The following SLCO2B1 variants were observed in gnomAD, a reference collection of about 807,000 sequenced individuals.
The protein encoded by SLCO2B1 is solute carrier organic anion transporter family member 2B1.
Under a neutral mutation model 67.3 loss-of-function variants are expected in SLCO2B1, and 41 were observed. The ratio of observed to expected loss-of-function variants is 0.61; its 90% confidence interval spans 0.47 to 0.79. SLCO2B1 has a LOEUF of 0.79. SLCO2B1 is among the 30% of genes least tolerant of loss of function. SLCO2B1 has a pLI of 0.00. For synonymous variants in SLCO2B1, 379 were observed against 381.4 expected (o/e 0.99, Z 0.07); for missense variants, 837 against 920.1 (o/e 0.91, Z 1.17).
intron 9 of SLCO2B1, among the ~76,000 whole-genome samples, chr11:75,195,077 C>G (rs1474006200): frequency 6.6e-6 from 1 of 152,196 alleles, no homozygotes; most frequent in Non-Finnish European, 1.5e-5. Flanking sequence ...TGTAATGGGT[C>G]CTGTTATTAG....
chr11:75,175,546 G>T (rs56891203), intron 7 of SLCO2B1, among the ~76,000 whole-genome samples: 1 of 152,092 alleles, frequency 6.6e-6, no homozygotes, highest in East Asian at 1.9e-4. Flanking sequence ...TGTTTTTAAA[G>T]GTATCCGGGA....
intron 7 of SLCO2B1, among the ~76,000 whole-genome samples, chr11:75,182,558 C>T (rs1030239225): frequency 6.6e-6 from 1 of 152,166 alleles, no homozygotes; most frequent in Non-Finnish European, 1.5e-5. Context: ...GCCTGCCCAA[C>T]ATGGTGAAAC....
rs1945058177 is a variant in SLCO2B1 at position 75,193,548 on chromosome 11, A to G, written c.1406A>G (p.Gln469Arg). ...PLFFIGCSSH[Q>R]IAGITHQTSA... ...TTCTTTATCGGCTGCTCCAGCCACC[A>G]GATTGCGGGCATCACACACCAGACC... The change falls in exon 9 of 14, where the codon CAG becomes CGG. Residue 469 changes from glutamine to arginine, a missense_variant. Coordinates refer to ENST00000289575, the MANE Select transcript of SLCO2B1 (RefSeq NM_007256.5). This position sits in a 1 kb window ranked among gnomAD's most constrained non-coding sequence, Gnocchi z 4.2. 4.5e-6 allele frequency: 7 copies of G among 1,565,930 alleles called. No homozygotes were observed. In the Admixed American group the frequency reaches 5.3e-5, roughly 12 times the overall value.
intron 8 of SLCO2B1, 51 bp downstream of exon 8, chr11:75,188,289 G>A (rs1282001967): frequency 1.7e-6 from 2 of 1,199,398 alleles, no homozygotes; most frequent in Non-Finnish European, 2.5e-6. Flanking sequence ...AGGGGTCTTC[G>A]AGATTGTCAG....
chr11:75,173,969 AT>A (rs1949995350), intron 7 of SLCO2B1, among the ~76,000 whole-genome samples: 1 of 151,870 alleles, frequency 6.6e-6, no homozygotes. Flanking sequence ...TGCCTGGCTA[AT>A]TTTGTATTTT....
At chr11:75,204,245 C>T (rs561446476) in intron 13 of SLCO2B1, 155 bp from the exon 14 acceptor site, 6 of 737,562 alleles carry the variant, frequency 8.1e-6, no homozygotes, top group Non-Finnish European at 1.1e-5. Flanking sequence ...GGCTCCTCTG[C>T]AGAGCCTCTC....
chr11:75,203,267 C>T (rs540461129), intron 12 of SLCO2B1, 40 bp from the exon 13 acceptor site: 31 of 1,605,470 alleles, frequency 1.9e-5, no homozygotes, highest in East Asian at 8.9e-5. Context: ...CAGGGTAGGA[C>T]GGTGGGCCTT....
At chr11:75,162,116 G>C (rs1259626486) in intron 1 of SLCO2B1, among the ~76,000 whole-genome samples, 3 of 152,102 alleles carry the variant, frequency 2.0e-5, no homozygotes, top group Admixed American at 1.3e-4. Flanking sequence ...GGGGTTCCCT[G>C]TGCAGGGGTT....
chr11:75,164,893 A>G (rs990095163), intron 3 of SLCO2B1, among the ~76,000 whole-genome samples: 1 of 152,152 alleles, frequency 6.6e-6, no homozygotes, highest in African/African-American at 2.4e-5. Flanking sequence ...TCAGGGCCCT[A>G]TCTATGAATA....
chr11:75,153,257 C>T (rs893347507), intron 1 of SLCO2B1, among the ~76,000 whole-genome samples: 1 of 152,194 alleles, frequency 6.6e-6, no homozygotes, highest in African/African-American at 2.4e-5. Context: ...ATGACCTTCT[C>T]TTTGAGGTTC....
chr11:75,167,009 C>T (rs947788674), intron 4 of SLCO2B1, among the ~76,000 whole-genome samples: 2 of 152,150 alleles, frequency 1.3e-5, no homozygotes, highest in Non-Finnish European at 2.9e-5. Context: ...GCAGGGTTGG[C>T]GTGAGCACGG....
intron 13 of SLCO2B1, 188 bp from the exon 14 acceptor site, chr11:75,204,212 G>T (rs984049242): frequency 1.8e-6 from 1 of 546,918 alleles, no homozygotes; most frequent in East Asian, 3.1e-5. Flanking sequence ...GATGAAGATG[G>T]CCAGGCCTCT....
At chr11:75,170,810 A>G (rs984851964) in intron 6 of SLCO2B1, among the ~76,000 whole-genome samples, 1 of 152,176 alleles carries the variant, frequency 6.6e-6, no homozygotes, top group Non-Finnish European at 1.5e-5. Flanking sequence ...CCTGGGAGTC[A>G]GGGGTTCCCT....
intron 4 of SLCO2B1, among the ~76,000 whole-genome samples, chr11:75,166,384 A>G (rs182667904): frequency 1.7e-3 from 256 of 152,356 alleles, no homozygotes; most frequent in Non-Finnish European, 2.9e-3. Flanking sequence ...GGGAAAAGAA[A>G]GAATGAATGA....
At position 75,196,549 on chromosome 11, in the gene SLCO2B1, T is replaced by C; in HGVS notation, c.1469T>C (p.Met490Thr). 2 of 1,614,078 alleles carry C rather than the reference T, an allele frequency of 1.2e-6. No individual in the cohort carries two copies. The highest frequency in any genetic ancestry group is 1.7e-6 in the Non-Finnish European group (2 of 1,180,002). ...HPGLELSPSC[M>T]EACSCPLDGF... ...GGGCTGGAGCTGTCTCCAAGCTGCA[T>C]GGAGGCCTGCTCCTGCCCATTGGAC... Residue 490 changes from methionine (M) to threonine (T), a missense_variant, in exon 10 of 14, where the codon ATG (methionine) becomes ACG (threonine). Coordinates refer to ENST00000289575, the MANE Select transcript of SLCO2B1 (RefSeq NM_007256.5).
chr11:75,168,040 T>C (rs992833233), intron 4 of SLCO2B1, among the ~76,000 whole-genome samples: 3 of 151,976 alleles, frequency 2.0e-5, no homozygotes, highest in African/African-American at 7.3e-5. Flanking sequence ...ATTACAGGCA[T>C]GTGCCACCAC....
In SLCO2B1 at chr11:75,193,224, C is replaced by T. The variant is rs781034608; in HGVS notation, c.1082C>T (p.Pro361Leu). Residue 361 changes from proline to leucine, a missense_variant, in exon 9 of 14, where the codon CCC (proline) becomes CTC (leucine). By Grantham distance (98) the Pro-to-Leu change is moderately conservative. Coordinates refer to ENST00000289575, the MANE Select transcript of SLCO2B1 (RefSeq NM_007256.5). The surrounding 1 kb of genome is among the most constrained non-coding windows in gnomAD (Gnocchi z 4.2). ...TCTGCACTCGCCCCCACAGTCTTCC[C>T]CAGGGTGCTGCTGCAGACCCTACGC... is the stretch of plus-strand genomic sequence containing the variant. ...LTVIQFIKVF[P>L]RVLLQTLRHP... The T allele has an allele frequency of 6.2e-7, 1 of 1,608,864 alleles. No homozygotes were observed. Among genetic ancestry groups the T allele is most frequent in the African/African-American group, 1.3e-5 (1 of 75,014 alleles).
At chr11:75,172,853 T>C (rs1676880) in intron 7 of SLCO2B1, among the ~76,000 whole-genome samples, 150,650 of 151,832 alleles carry the variant, frequency 0.99, 74,770 homozygotes, top group Middle Eastern at 1. Context: ...CGCTTGAACC[T>C]GGGAGGTGGA....
chr11:75,192,767 C>A (rs1228707250), intron 8 of SLCO2B1, among the ~76,000 whole-genome samples: 1 of 152,134 alleles, frequency 6.6e-6, no homozygotes, highest in East Asian at 1.9e-4. Flanking sequence ...GAACAAGGGC[C>A]AGGCATAGTG....
Sources: gnomAD v4.1 joint callset for allele counts (sites outside exome capture counted in the v4.1 genomes callset) on GRCh38, gnomAD v4.1.1 for gene constraint, Gnocchi (gnomAD v3.1) non-coding constraint, MANE v1.5 for transcripts, NCBI Gene and HGNC (gene_info 2026-07-23, HGNC 2026-07-21) for gene names.